The following RPRD2 variants were observed in gnomAD, a reference collection of about 807,000 sequenced individuals.
RPRD2 encodes the protein regulation of nuclear pre-mRNA domain-containing protein 2.
A neutral mutation model predicts 104.4 loss-of-function variants in RPRD2; 12 were observed. The observed-to-expected ratio is 0.11, with a 90% confidence interval of 0.07 to 0.19. The LOEUF (loss-of-function observed/expected upper bound fraction) is 0.19, where lower values mean the gene tolerates loss of function less well. RPRD2 is among the 10% of genes least tolerant of loss of function. RPRD2 has a pLI of 1.00. For missense variants in RPRD2, 1,543 were observed against 1,790.1 expected (o/e 0.86, Z 2.49); for synonymous variants, 714 against 684.9 (o/e 1.04, Z -0.66).
intron 2 of RPRD2, among the ~76,000 whole-genome samples, chr1:150,432,066 TA>T (rs1275558544): frequency 2.0e-5 from 3 of 150,476 alleles, no homozygotes; most frequent in Admixed American, 1.3e-4. Flanking sequence ...AACTGTACAC[TA>T]AAAAAATGGT....
intron 2 of RPRD2, among the ~76,000 whole-genome samples, chr1:150,433,229 T>A (rs181419440): frequency 6.6e-6 from 1 of 151,876 alleles, no homozygotes; most frequent in Non-Finnish European, 1.5e-5. Flanking sequence ...CAGAGGCAGT[T>A]GTGAAAAATA....
At chr1:150,417,499 T>G in intron 1 of RPRD2, 97 bp from the exon 2 acceptor site, 1 of 957,376 alleles carries the variant, frequency 1.0e-6, no homozygotes, top group Non-Finnish European at 1.5e-6. Context: ...AAAAAAAAAA[T>G]AACCAGTTAC....
At chr1:150,384,709 G>T (rs1275597390) in intron 1 of RPRD2, among the ~76,000 whole-genome samples, 18 of 149,408 alleles carry the variant, frequency 1.2e-4, no homozygotes, top group African/African-American at 2.9e-4. Context: ...GTTTCACCCT[G>T]TTGGCCAAGC....
At chr1:150,364,991 GT>G in intron 1 of RPRD2, 72 bp downstream of exon 1, 2 of 1,484,944 alleles carry the variant, frequency 1.3e-6, no homozygotes, top group Non-Finnish European at 1.8e-6. Flanking sequence ...AACGCTTGGG[GT>G]TTTCCCACGG....
At chr1:150,408,731 A>T (rs960919072) in intron 1 of RPRD2, among the ~76,000 whole-genome samples, 7 of 152,212 alleles carry the variant, frequency 4.6e-5, no homozygotes, top group Non-Finnish European at 7.3e-5. Context: ...CGTAATATGG[A>T]TGCACCTTTA....
chr1:150,472,167 C>T lies in RPRD2; in HGVS notation c.3219C>T (p.Asp1073=), dbSNP rs760803346. 2 of 1,613,902 alleles carry T rather than the reference C, an allele frequency of 1.2e-6. No homozygotes were observed. The highest frequency in any genetic ancestry group is 2.2e-5 in the South Asian group (2 of 91,080). Residue 1073 remains aspartate, a synonymous_variant, in exon 11 of 11, where the codon GAC becomes GAT. Coordinates refer to ENST00000369068, the MANE Select transcript of RPRD2 (RefSeq NM_015203.5). The part of the protein sequence containing the change: ...IETRVSSSCL[D]LPDSTEEKGA... ...CCCGCGTCTCCTCCTCCTGCTTAGA[C>T]TTGCCTGATAGCACAGAAGAAAAGG...
At chr1:150,448,426 C>G (rs1666940088) in intron 7 of RPRD2, among the ~76,000 whole-genome samples, 1 of 152,164 alleles carries the variant, frequency 6.6e-6, no homozygotes, top group Non-Finnish European at 1.5e-5. Context: ...ACCTCAGCCT[C>G]TCAAAGTGAT....
intron 8 of RPRD2, among the ~76,000 whole-genome samples, chr1:150,458,128 G>A (rs1553898057): frequency 2.0e-5 from 3 of 151,904 alleles, no homozygotes; most frequent in African/African-American, 7.2e-5. Context: ...TTGAAATGAA[G>A]CTTGTCCAAC....
At chr1:150,385,449 C>T (rs782725414) in intron 1 of RPRD2, among the ~76,000 whole-genome samples, 1 of 151,944 alleles carries the variant, frequency 6.6e-6, no homozygotes, top group Non-Finnish European at 1.5e-5. Context: ...ACTCTAGCCT[C>T]GGCGGCAAAG....
chr1:150,427,456 G>A (rs1553890759), intron 2 of RPRD2, among the ~76,000 whole-genome samples: 1 of 149,556 alleles, frequency 6.7e-6, no homozygotes, highest in African/African-American at 2.5e-5. Flanking sequence ...CTGGGCAACA[G>A]AGCGAGACTC....
intron 7 of RPRD2, among the ~76,000 whole-genome samples, 200 bp from the exon 8 acceptor site, chr1:150,457,088 G>A (rs782106431): frequency 2.6e-5 from 4 of 151,966 alleles, no homozygotes; most frequent in Admixed American, 1.3e-4. Context: ...GCCAGGCATG[G>A]TGATGTGTTC....
At chr1:150,371,199 G>A (rs587707602) in intron 1 of RPRD2, among the ~76,000 whole-genome samples, 106 of 152,292 alleles carry the variant, frequency 7.0e-4, no homozygotes, top group Middle Eastern at 6.8e-3. Context: ...CATGAAGCTG[G>A]TAATAATTTT....
At chr1:150,410,101 C>T (rs942352272) in intron 1 of RPRD2, among the ~76,000 whole-genome samples, 1 of 152,096 alleles carries the variant, frequency 6.6e-6, no homozygotes, top group Non-Finnish European at 1.5e-5. Context: ...CAAGGACTCA[C>T]CCAGGTGTGT....
At chr1:150,379,964 T>A (rs1661006576) in intron 1 of RPRD2, among the ~76,000 whole-genome samples, 1 of 152,262 alleles carries the variant, frequency 6.6e-6, no homozygotes, top group African/African-American at 2.4e-5. Context: ...TTTGTCAATT[T>A]TCTGCAATGT....
At chr1:150,429,927 A>G (rs1179662553) in intron 2 of RPRD2, among the ~76,000 whole-genome samples, 1 of 152,240 alleles carries the variant, frequency 6.6e-6, no homozygotes, top group Non-Finnish European at 1.5e-5. Context: ...TGCCGATAAC[A>G]TTAATACTAT....
intron 1 of RPRD2, among the ~76,000 whole-genome samples, chr1:150,410,563 T>C (rs150948751): frequency 1.3e-4 from 20 of 152,366 alleles, no homozygotes; most frequent in African/African-American, 4.8e-4. Flanking sequence ...CTGTGTACTT[T>C]CCACTCAGAT....
intron 2 of RPRD2, among the ~76,000 whole-genome samples, chr1:150,434,372 C>T (rs1279519558): frequency 6.6e-6 from 1 of 151,988 alleles, no homozygotes; most frequent in Non-Finnish European, 1.5e-5. Flanking sequence ...TATATGTAAA[C>T]AGTTTTTAAG....
chr1:150,463,745 G>T (rs1423578123), intron 9 of RPRD2, among the ~76,000 whole-genome samples: 2 of 152,154 alleles, frequency 1.3e-5, no homozygotes, highest in East Asian at 3.9e-4. Context: ...ATGAAATTAT[G>T]CAGTGGCTGA....
intron 10 of RPRD2, among the ~76,000 whole-genome samples, chr1:150,468,432 ATATC>A (rs1668415220): frequency 6.6e-6 from 1 of 152,172 alleles, no homozygotes; most frequent in African/African-American, 2.4e-5. Flanking sequence ...TCTGAGTAGT[ATATC>A]TATCTTAAAA....
Sources: gnomAD v4.1 joint callset for allele counts (sites outside exome capture counted in the v4.1 genomes callset) on GRCh38, gnomAD v4.1.1 for gene constraint, MANE v1.5 for transcripts, NCBI Gene and HGNC (gene_info 2026-07-23, HGNC 2026-07-21) for gene names.